Variants in PDZRN3 observed in about 807,000 individuals in gnomAD.
The protein encoded by PDZRN3 is E3 ubiquitin-protein ligase PDZRN3.
A neutral mutation model predicts 85.7 loss-of-function variants in PDZRN3; 38 were observed. The observed-to-expected ratio is 0.44, with a 90% CI of 0.34 to 0.58. The LOEUF (loss-of-function observed/expected upper bound fraction) is 0.58. PDZRN3 is among the 20% of genes least tolerant of loss of function. PDZRN3 has a pLI of 0.01. For synonymous variants in PDZRN3, 759 were observed against 638.0 expected (o/e 1.19, Z -2.86); for missense variants, 1,629 against 1,506.4 (o/e 1.08, Z -1.35).
intron 3 of PDZRN3, chr3:73,433,945 C>A (rs2106806473): frequency 7.2e-7 from 1 of 1,379,788 alleles, no homozygotes; most frequent in African/African-American, 1.4e-5. Flanking sequence ...CACACACATA[C>A]ACACAGACAT....
At chr3:73,461,379 G>A (rs1040243276) in intron 3 of PDZRN3, among the ~76,000 whole-genome samples, 42 of 152,132 alleles carry the variant, frequency 2.8e-4, no homozygotes, top group Admixed American at 2.4e-3. Context: ...CATGAGTTTG[G>A]AGACCAAAGA....
At chr3:73,586,962 AGAG>A (rs1702286829) in intron 3 of PDZRN3, among the ~76,000 whole-genome samples, 1 of 152,252 alleles carries the variant, frequency 6.6e-6, no homozygotes, top group Non-Finnish European at 1.5e-5. Flanking sequence ...GGTGACAGGA[AGAG>A]GAGATTATTT....
At position 73,602,274 on chromosome 3, in the gene PDZRN3, A is replaced by C; in HGVS notation, c.918+80T>G. 3.8e-6 allele frequency: 3 copies of C among 780,190 alleles called. No individual in the cohort carries two copies. In the Admixed American group the frequency reaches 5.9e-5, roughly 15 times the overall value. The allele number at this position is 780,190 out of a possible 1,614,324, so 48.3% of individuals were successfully genotyped here. ...TCTACCACTTTAGGCCTCCCTCCCCAGTCAAACATCTTGCTTTGAGCTAGA... is the reference window on the plus strand; with the variant it reads ...TCTACCACTTTAGGCCTCCCTCCCCCGTCAAACATCTTGCTTTGAGCTAGA... On this transcript the variant is annotated intron_variant, in intron 3 of 9. Coordinates refer to ENST00000263666, the MANE Select transcript of PDZRN3 (RefSeq NM_015009.3).
At chr3:73,421,221 T>C (rs942525948) in intron 3 of PDZRN3, among the ~76,000 whole-genome samples, 1 of 152,114 alleles carries the variant, frequency 6.6e-6, no homozygotes, top group Admixed American at 6.5e-5. Flanking sequence ...CACACACACA[T>C]TAAAGCTCAC....
chr3:73,560,835 G>GC (rs1701800721), intron 3 of PDZRN3, among the ~76,000 whole-genome samples: 1 of 152,174 alleles, frequency 6.6e-6, no homozygotes, highest in African/African-American at 2.4e-5. Flanking sequence ...AATGCAGAAA[G>GC]CCCCCTAGGC....
intron 3 of PDZRN3, among the ~76,000 whole-genome samples, chr3:73,558,430 C>T (rs1157546889): frequency 2.0e-5 from 3 of 152,196 alleles, no homozygotes; most frequent in East Asian, 1.9e-4. Context: ...GAATAAACCA[C>T]GGTATACTCT....
At chr3:73,573,586 C>T (rs567001992) in intron 3 of PDZRN3, among the ~76,000 whole-genome samples, 1 of 152,136 alleles carries the variant, frequency 6.6e-6, no homozygotes, top group East Asian at 1.9e-4. Flanking sequence ...ACTGCATGAC[C>T]CCCAAAGCTG....
intron 3 of PDZRN3, among the ~76,000 whole-genome samples, chr3:73,577,132 A>G (rs552216238): frequency 2.0e-5 from 3 of 152,346 alleles, no homozygotes; most frequent in Non-Finnish European, 2.9e-5. Context: ...TCTAGCAAAG[A>G]GGGTTTTTCC....
At chr3:73,597,497 T>C (rs148373535) in intron 3 of PDZRN3, among the ~76,000 whole-genome samples, 2 of 152,152 alleles carry the variant, frequency 1.3e-5, no homozygotes, top group Admixed American at 6.5e-5. Context: ...CCCACTTTCA[T>C]TGGATCCAGG....
intron 3 of PDZRN3, among the ~76,000 whole-genome samples, chr3:73,500,429 T>A (rs1321095464): frequency 6.6e-6 from 1 of 152,098 alleles, no homozygotes; most frequent in Non-Finnish European, 1.5e-5. Flanking sequence ...GATACTCCCC[T>A]CTCCAACCCC....
intron 3 of PDZRN3, among the ~76,000 whole-genome samples, chr3:73,535,546 C>A (rs1345834797): frequency 6.6e-6 from 1 of 152,184 alleles, no homozygotes; most frequent in Non-Finnish European, 1.5e-5. Context: ...AAAGTGAAAG[C>A]AAAGGCTCTC....
rs761305344 is a variant in PDZRN3 at position 73,383,854 on chromosome 3, G to T, written c.2712C>A (p.Ser904Arg). ...EYAQSQMSLV[S>R]MCKDLSSPTP... ...TGGGAGAGCTCAGGTCCTTGCACAT[G>T]CTCACCAGGCTCATCTGGCTTTGCG... The change falls in exon 10 of 10, where the codon AGC becomes AGA. Residue 904 changes from serine (S) to arginine (R), a missense_variant. Transcript: ENST00000263666. The T allele has an allele frequency of 1.9e-6, 3 of 1,613,794 alleles. No homozygotes were observed. The highest frequency in any genetic ancestry group is 1.3e-5 in the African/African-American group (1 of 75,066).
intron 3 of PDZRN3, among the ~76,000 whole-genome samples, chr3:73,508,395 C>G (rs1405347612): frequency 6.6e-6 from 1 of 152,128 alleles, no homozygotes. Flanking sequence ...AAAGGAAAAC[C>G]CTGGGAGTGA....
At chr3:73,392,129 C>T (rs960539305) in intron 5 of PDZRN3, among the ~76,000 whole-genome samples, 4 of 152,288 alleles carry the variant, frequency 2.6e-5, no homozygotes, top group African/African-American at 4.8e-5. Context: ...GAACTTTCCC[C>T]GATGAAAGGC....
rs370721771 is a variant in PDZRN3 at position 73,524,526 on chromosome 3, T to A, written c.918+77828A>T. On this transcript the variant is annotated intron_variant, in intron 3 of 9. Coordinates refer to ENST00000263666, the MANE Select transcript of PDZRN3 (RefSeq NM_015009.3). ...TATCACAGGCTGCCTGTACTGCAAG[T>A]GGCACGGTCAGGTGTGCCCTTGGAG... 7.2e-5 allele frequency among the ~76,000 whole-genome samples: 11 copies of A among 152,350 alleles called. No homozygotes were observed. In the East Asian group the frequency reaches 1.2e-3, roughly 16 times the overall value.
At chr3:73,449,038 A>C (rs981865573) in intron 3 of PDZRN3, among the ~76,000 whole-genome samples, 1 of 152,196 alleles carries the variant, frequency 6.6e-6, no homozygotes, top group Non-Finnish European at 1.5e-5. Flanking sequence ...TTTGAGTTTC[A>C]TTTTAAGCCT....
At chr3:73,501,266 T>C (rs1490973314) in intron 3 of PDZRN3, among the ~76,000 whole-genome samples, 2 of 152,236 alleles carry the variant, frequency 1.3e-5, no homozygotes, top group African/African-American at 4.8e-5. Context: ...ACTCCTCACC[T>C]GAGCTAGAGG....
intron 3 of PDZRN3, among the ~76,000 whole-genome samples, chr3:73,548,028 C>T (rs545906182): frequency 1.3e-4 from 20 of 152,234 alleles, no homozygotes; most frequent in East Asian, 9.6e-4. Context: ...GGTTTCAGAA[C>T]GAAGAGGTTG....
At chr3:73,531,817 G>A (rs946222239) in intron 3 of PDZRN3, among the ~76,000 whole-genome samples, 1 of 152,132 alleles carries the variant, frequency 6.6e-6, no homozygotes, top group African/African-American at 2.4e-5. Context: ...CAGGGTTCAG[G>A]CAGAAACATG....
Sources: gnomAD v4.1 joint callset for allele counts (sites outside exome capture counted in the v4.1 genomes callset) on GRCh38, gnomAD v4.1.1 for gene constraint, MANE v1.5 for transcripts, NCBI Gene and HGNC (gene_info 2026-07-23, HGNC 2026-07-21) for gene names.